Variants in EXT1 observed in about 807,000 individuals in gnomAD.
EXT1 encodes exostosin glycosyltransferase 1.
EXT1 carries 20 observed loss-of-function variants against 82.5 expected under a neutral mutation model. The ratio of observed to expected loss-of-function variants is 0.24; its 90% confidence interval spans 0.17 to 0.35. EXT1 has a LOEUF of 0.35. EXT1 is among the 10% of genes least tolerant of loss of function. The pLI, the probability that EXT1 is intolerant of heterozygous loss-of-function variation, is 1.00. For missense variants in EXT1, 757 were observed against 936.5 expected, an observed-to-expected ratio of 0.81 and a Z score of 2.50; for synonymous variants, 348 against 350.8, an observed-to-expected ratio of 0.99 and a Z score of 0.09.
chr8:117,825,521 T>C (rs1025029896), intron 4 of EXT1, among the ~76,000 whole-genome samples: 1 of 152,224 alleles, frequency 6.6e-6, no homozygotes, highest in Non-Finnish European at 1.5e-5. Context: ...GTTATGGTCC[T>C]AGATGGCCCC....
chr8:118,086,113 A>C (rs1001312628), intron 1 of EXT1, among the ~76,000 whole-genome samples: 4 of 152,238 alleles, frequency 2.6e-5, no homozygotes, highest in Admixed American at 1.3e-4. Flanking sequence ...TAAATAAATG[A>C]ATAAAAAGGT....
intron 1 of EXT1, among the ~76,000 whole-genome samples, chr8:117,935,776 T>G (rs1016525731): frequency 5.9e-5 from 9 of 152,142 alleles, no homozygotes; most frequent in Admixed American, 2.6e-4. Flanking sequence ...TTTTTGGAGC[T>G]CTGTAATAGT....
At chr8:117,860,095 T>C (rs891758550) in intron 1 of EXT1, among the ~76,000 whole-genome samples, 2 of 132,330 alleles carry the variant, frequency 1.5e-5, no homozygotes, top group Non-Finnish European at 3.1e-5. Flanking sequence ...TGCAGTGAGC[T>C]GAGATCACGC....
At chr8:117,913,880 G>T (rs969515946) in intron 1 of EXT1, among the ~76,000 whole-genome samples, 7 of 152,192 alleles carry the variant, frequency 4.6e-5, no homozygotes, top group African/African-American at 1.7e-4. Flanking sequence ...AAATAAAGCT[G>T]AATATGGGAA....
chr8:117,957,248 G>A (rs972001305), intron 1 of EXT1, among the ~76,000 whole-genome samples: 1 of 152,184 alleles, frequency 6.6e-6, no homozygotes, highest in Non-Finnish European at 1.5e-5. Context: ...CCTTATTGCT[G>A]ATATTTTTGG....
rs559730416 is a variant in EXT1, at chr8:117,905,356, T to C, written c.963-68155A>G. ...CCCATTCCTACTCTGCTCTGAAAAA[T>C]CATCAAGGTCAGAGTCCACACCAAG... On this transcript the variant is annotated intron_variant, in intron 1 of 10. Transcript: ENST00000378204. Among the ~76,000 whole-genome samples, 4 of 152,196 alleles carry C rather than the reference T, an allele frequency of 2.6e-5. No individual in the cohort carries two copies. In the South Asian group the frequency reaches 6.2e-4, roughly 24 times the overall value.
intron 1 of EXT1, among the ~76,000 whole-genome samples, chr8:117,958,662 A>G (rs554992087): frequency 2.0e-5 from 3 of 152,344 alleles, no homozygotes; most frequent in Admixed American, 2.0e-4. Context: ...AAAATTTAAT[A>G]TCAGAGAAAC....
chr8:117,807,157 T>C (rs1259787973), intron 9 of EXT1, 60 bp downstream of exon 9: 6 of 1,604,002 alleles, frequency 3.7e-6, no homozygotes, highest in Non-Finnish European at 5.1e-6. Context: ...TTCCTATTTA[T>C]GCAGCAGCCA....
At chr8:117,850,018 G>T (rs1047245380) in intron 1 of EXT1, among the ~76,000 whole-genome samples, 5 of 152,212 alleles carry the variant, frequency 3.3e-5, no homozygotes, top group African/African-American at 1.2e-4. Context: ...TGAATGGCTG[G>T]CCATGAGTCC....
intron 4 of EXT1, among the ~76,000 whole-genome samples, chr8:117,823,143 G>A (rs1449608126): frequency 1.3e-5 from 2 of 152,130 alleles, no homozygotes; most frequent in East Asian, 3.8e-4. Context: ...GTCAATTGGA[G>A]GACTTTGGGT....
intron 1 of EXT1, among the ~76,000 whole-genome samples, chr8:118,043,224 C>T (rs933131487): frequency 6.6e-5 from 10 of 152,080 alleles, no homozygotes; most frequent in Non-Finnish European, 1.3e-4. Context: ...AAACCAAATG[C>T]CTGAAGCCAT....
At chr8:117,949,435 T>C (rs1020396459) in intron 1 of EXT1, among the ~76,000 whole-genome samples, 2 of 150,984 alleles carry the variant, frequency 1.3e-5, no homozygotes, top group African/African-American at 4.9e-5. Flanking sequence ...CACAGGTAAG[T>C]CTAATATCAG....
At chr8:117,827,542 T>C (rs1437615319) in intron 4 of EXT1, among the ~76,000 whole-genome samples, 1 of 152,036 alleles carries the variant, frequency 6.6e-6, no homozygotes, top group African/African-American at 2.4e-5. Context: ...GGGCTGGGCA[T>C]GGTGGCTCAT....
chr8:117,903,689 C>G (rs536509337), intron 1 of EXT1, among the ~76,000 whole-genome samples: 1 of 152,252 alleles, frequency 6.6e-6, no homozygotes, highest in South Asian at 2.1e-4. Flanking sequence ...GAAATTAGTC[C>G]TACAACAACT....
At chr8:117,977,295 G>A (rs1815084023) in intron 1 of EXT1, among the ~76,000 whole-genome samples, 2 of 151,522 alleles carry the variant, frequency 1.3e-5, no homozygotes, top group African/African-American at 4.8e-5. Context: ...GCTGAGGCAG[G>A]AGAATCGCTT....
At chr8:117,958,824 C>G (rs777495411) in intron 1 of EXT1, among the ~76,000 whole-genome samples, 5 of 152,162 alleles carry the variant, frequency 3.3e-5, no homozygotes, top group Non-Finnish European at 7.4e-5. Context: ...CCATTGAAAA[C>G]AGATTCAAGG....
chr8:117,907,005 C>A (rs1377674475), intron 1 of EXT1, among the ~76,000 whole-genome samples: 4 of 151,420 alleles, frequency 2.6e-5, no homozygotes, highest in Non-Finnish European at 5.9e-5. Context: ...CTCCCTCACC[C>A]CACGAAATTA....
intron 1 of EXT1, among the ~76,000 whole-genome samples, chr8:118,001,492 A>ATT (rs199686903): frequency 3.5e-5 from 5 of 141,678 alleles, no homozygotes; most frequent in African/African-American, 1.3e-4. Flanking sequence ...GCCTCCATCC[A>ATT]TTTTTTTTTT....
intron 1 of EXT1, among the ~76,000 whole-genome samples, chr8:117,995,237 A>G (rs897327382): frequency 5.3e-5 from 8 of 152,138 alleles, no homozygotes; most frequent in Non-Finnish European, 1.5e-5. Context: ...TAGCTCAGCA[A>G]CCCAGCAGGG....
Sources: gnomAD v4.1 joint callset for allele counts (sites outside exome capture counted in the v4.1 genomes callset) on GRCh38, gnomAD v4.1.1 for gene constraint, MANE v1.5 for transcripts, NCBI Gene and HGNC (gene_info 2026-07-23, HGNC 2026-07-21) for gene names.